The following HOXA3 variants were observed in gnomAD, a reference collection of about 807,000 sequenced individuals.
The protein encoded by HOXA3 is homeobox A3.
A neutral mutation model predicts 30.3 loss-of-function variants in HOXA3; 8 were observed. That is an observed-to-expected ratio of 0.26 (90% CI 0.15 to 0.48). The LOEUF (loss-of-function observed/expected upper bound fraction) is 0.48, where lower values mean the gene tolerates loss of function less well. Among genes scored for constraint, HOXA3 ranks in the 20% least tolerant of loss-of-function variants. The pLI, the probability that HOXA3 is intolerant of heterozygous loss-of-function variation, is 0.99. For synonymous variants in HOXA3, 323 were observed against 273.1 expected (o/e 1.18, Z -1.80); for missense variants, 653 against 614.4 (o/e 1.06, Z -0.66).
intron 1 of HOXA3, chr7:27,143,339 G>T: frequency 1.3e-6 from 2 of 1,594,480 alleles, no homozygotes; most frequent in East Asian, 2.3e-5. Flanking sequence ...CGTGGACGTG[G>T]CCGGCTGGCT....
At chr7:27,149,775 T>G (rs1328725179) in intron 1 of HOXA3, among the ~76,000 whole-genome samples, 1 of 152,264 alleles carries the variant, frequency 6.6e-6, no homozygotes, top group Non-Finnish European at 1.5e-5. Context: ...AATAGCTGTT[T>G]GAAGAAAAAC....
At chr7:27,129,985 A>G in intron 2 of HOXA3, 1 of 1,050,202 alleles carries the variant, frequency 9.5e-7, no homozygotes, top group Non-Finnish European at 1.4e-6. Context: ...CCCACATCTC[A>G]CCGCAGCCCG....
At chr7:27,147,745 C>T (rs1256727865) in intron 1 of HOXA3, 6 of 1,604,760 alleles carry the variant, frequency 3.7e-6, no homozygotes, top group Non-Finnish European at 5.1e-6. Flanking sequence ...AAAATAGGAA[C>T]TCATTTGCGC....
Position 27,147,386 on chromosome 7 carries a change from C to G in HOXA3, c.-494+4902G>C, listed in dbSNP as rs1782807137. The G allele has an allele frequency of 2.5e-6, 4 of 1,614,094 alleles. No homozygotes were observed. In the African/African-American group the frequency reaches 5.3e-5, roughly 22 times the overall value. On this transcript the variant is annotated intron_variant, in intron 1 of 5. Coordinates refer to ENST00000612286, the MANE Select transcript of HOXA3 (RefSeq NM_153631.3). ...CGGTCGGCGCCTTCGTCATGGAGTG[C>G]TTTGCCCTGCCCGCTGCTGCTGTCG... is the stretch of plus-strand genomic sequence containing the variant.
At chr7:27,111,267 G>A (rs1784359882) in intron 4 of HOXA3, among the ~76,000 whole-genome samples, 1 of 152,172 alleles carries the variant, frequency 6.6e-6, no homozygotes, top group South Asian at 2.1e-4. Flanking sequence ...CTGAGATGGG[G>A]TAACTTCCCA....
At chr7:27,145,873 T>C (rs769919704) in intron 1 of HOXA3, 1 of 1,614,166 alleles carries the variant, frequency 6.2e-7, no homozygotes, top group South Asian at 1.1e-5. Context: ...TGGTAGCGCG[T>C]GTAGGTCTGG....
At chr7:27,121,060 G>C (rs1487734546) in intron 4 of HOXA3, 1 of 152,228 alleles carries the variant, frequency 6.6e-6, no homozygotes, top group Admixed American at 6.5e-5. Context: ...CACACCGTTA[G>C]CCAATATTTG....
At chr7:27,112,262 CAAT>C (rs1784419593) in intron 4 of HOXA3, among the ~76,000 whole-genome samples, 1 of 152,046 alleles carries the variant, frequency 6.6e-6, no homozygotes, top group Admixed American at 6.5e-5. Flanking sequence ...GGTTAACATG[CAAT>C]CCAACTATGT....
At chr7:27,132,861 C>T (rs1019299165) in intron 2 of HOXA3, among the ~76,000 whole-genome samples, 1 of 152,198 alleles carries the variant, frequency 6.6e-6, no homozygotes, top group Admixed American at 6.5e-5. Context: ...TTCCCTCCTT[C>T]TCATGTCATC....
At chr7:27,145,597 C>T in intron 1 of HOXA3, 1 of 1,561,850 alleles carries the variant, frequency 6.4e-7, no homozygotes, top group Non-Finnish European at 8.7e-7. Flanking sequence ...GGGGAACAGG[C>T]GAGGGCAAGG....
rs570062509 is a variant in HOXA3 at position 27,147,107 on chromosome 7, G to A, written c.-494+5181C>T. 1.5e-5 allele frequency: 9 copies of A among 611,278 alleles called. No homozygotes were observed. In the Admixed American group the frequency reaches 2.4e-4, roughly 16 times the overall value. The allele number at this position is 611,278 out of a possible 1,614,324, so 37.9% of individuals were successfully genotyped here. ...AAGGTGTCAGCTTACATGGACACTG[G>A]GGCCTTGCCCTTCCTCTGCCATGGC... On this transcript the variant is annotated intron_variant, in intron 1 of 5. Coordinates refer to ENST00000612286, the MANE Select transcript of HOXA3 (RefSeq NM_153631.3).
intron 1 of HOXA3, chr7:27,145,770 C>T (rs1454642111): frequency 1.2e-6 from 2 of 1,614,226 alleles, no homozygotes; most frequent in Non-Finnish European, 8.5e-7. Flanking sequence ...CTTGATCTGG[C>T]GCTCGGTGAG....
Position 27,152,474 on chromosome 7 carries a change from T to TGGCCC in HOXA3, c.-681_-680insGGGCC, listed in dbSNP as rs1406366791. 7.7e-6 allele frequency: 9 copies of TGGCCC among 1,164,150 alleles called. No homozygotes were observed. The highest frequency in any genetic ancestry group is 9.7e-6 in the Non-Finnish European group (9 of 927,748). The allele number at this position is 1,164,150 out of a possible 1,614,324, so 72.1% of individuals were successfully genotyped here. On this transcript the variant is annotated 5_prime_UTR_variant, in exon 1 of 6. An upstream open reading frame in the 5' UTR loses its in-frame stop. Transcript: ENST00000612286. Reference sequence around the variant, plus strand: ...AATCTCCAGCGGGAGCCGCCAGGCCTGGCCTGGCCGGGGCTTCCCTTCGCT... The same window carrying TGGCCC: ...AATCTCCAGCGGGAGCCGCCAGGCCTGGCCCGGCCTGGCCGGGGCTTCCCTTCGCT...
At chr7:27,145,457 GTT>G in intron 1 of HOXA3, 1 of 214,202 alleles carries the variant, frequency 4.7e-6, no homozygotes, top group Non-Finnish European at 7.5e-6. Flanking sequence ...GTTTTGTTTT[GTT>G]TTGTTTTGTT....
intron 4 of HOXA3, chr7:27,121,776 C>T (rs1473212134): frequency 6.6e-6 from 1 of 152,474 alleles, no homozygotes; most frequent in Non-Finnish European, 1.5e-5. Context: ...TCCAGCAGCC[C>T]CTCCCCCAAA....
chr7:27,143,337 T>C, intron 1 of HOXA3: 2 of 1,594,002 alleles, frequency 1.3e-6, no homozygotes, highest in Admixed American at 1.7e-5. Flanking sequence ...TGCGTGGACG[T>C]GGCCGGCTGG....
chr7:27,143,271 C>T lies in HOXA3; in HGVS notation c.-493-3085G>A, dbSNP rs201542016. Reference sequence around the variant, plus strand: ...GAGTTTTTCCCGCCGTGGTGGCTGTCGCTGCCGGGCGAGGGGGCCACGGCG... The same window carrying T: ...GAGTTTTTCCCGCCGTGGTGGCTGTTGCTGCCGGGCGAGGGGGCCACGGCG... On this transcript the variant is annotated intron_variant, in intron 1 of 5. Coordinates refer to ENST00000612286, the MANE Select transcript of HOXA3 (RefSeq NM_153631.3). 560 of 1,606,056 alleles carry T rather than the reference C, an allele frequency of 3.5e-4. 3 individuals carry two copies. In the East Asian group the frequency reaches 0.011, roughly 30 times the overall value.
rs578057995 is a variant in HOXA3, at chr7:27,151,654, C to A, written c.-494+634G>T. The A allele has an allele frequency of 2.4e-5, 11 of 456,616 alleles. No homozygotes were observed. In the Admixed American group the frequency reaches 2.6e-4, roughly 11 times the overall value. The allele number at this position is 456,616 out of a possible 1,614,324, so 28.3% of individuals were successfully genotyped here. ...GAAAAACCGGGCGAAGGGAAGCCGG[C>A]AACGAGCGGAGAACTCTGGCTGAAT... On this transcript the variant is annotated intron_variant, in intron 1 of 5. Coordinates refer to ENST00000612286, the MANE Select transcript of HOXA3 (RefSeq NM_153631.3).
At chr7:27,124,789 T>A (rs1785207723) in intron 3 of HOXA3, among the ~76,000 whole-genome samples, 1 of 152,214 alleles carries the variant, frequency 6.6e-6, no homozygotes, top group Non-Finnish European at 1.5e-5. Flanking sequence ...GTCCTTTTTT[T>A]GGCTCTGCCG....
Sources: allele counts gnomAD v4.1 joint callset (sites outside exome capture counted in the v4.1 genomes callset), GRCh38; gene constraint gnomAD v4.1.1; transcripts MANE v1.5; gene names NCBI Gene and HGNC (gene_info 2026-07-23, HGNC 2026-07-21).